Variants in ARHGEF3 observed in about 807,000 individuals in gnomAD.
ARHGEF3 encodes Rho guanine nucleotide exchange factor 3.
ARHGEF3 carries 28 observed loss-of-function variants against 63.2 expected under a neutral mutation model. The ratio of observed to expected loss-of-function variants is 0.44; its 90% CI spans 0.33 to 0.61. The LOEUF (loss-of-function observed/expected upper bound fraction) is 0.61, where lower values mean the gene tolerates loss of function less well. Among genes scored for constraint, ARHGEF3 ranks in the 20% least tolerant of loss-of-function variants. The pLI, the probability that ARHGEF3 is intolerant of heterozygous loss-of-function variation, is 0.03. For missense variants in ARHGEF3, 533 were observed against 659.3 expected (o/e 0.81, Z 2.10); for synonymous variants, 266 against 254.2 (o/e 1.05, Z -0.44).
intron 3 of ARHGEF3, among the ~76,000 whole-genome samples, chr3:56,946,886 G>T (rs970794842): frequency 5.3e-5 from 8 of 152,180 alleles, no homozygotes; most frequent in Admixed American, 1.3e-4. Flanking sequence ...AGAAAGGTCA[G>T]GTTACCCACA....
At chr3:56,756,792 GC>G (rs1559909874) in intron 2 of ARHGEF3, among the ~76,000 whole-genome samples, 1 of 151,916 alleles carries the variant, frequency 6.6e-6, no homozygotes, top group East Asian at 1.9e-4. Context: ...CTCGTGATCC[GC>G]CCGCCTCGGC....
chr3:56,732,430 AG>A lies in ARHGEF3; in HGVS notation c.1042-7del. Reference sequence around the variant, plus strand: ...AACAGGAAAACATGCAGTTTCTAGAAGAAAAAAATCCACAAGCTTTCATTAA... The same window carrying A: ...AACAGGAAAACATGCAGTTTCTAGAAAAAAAAATCCACAAGCTTTCATTAA... On this transcript the variant is annotated splice_polypyrimidine_tract_variant and splice_region_variant and intron_variant, in intron 8 of 9. Coordinates refer to ENST00000296315, the MANE Select transcript of ARHGEF3 (RefSeq NM_019555.3). 1 of 1,614,172 alleles carries A rather than the reference AG, an allele frequency of 6.2e-7. No homozygotes were observed. The highest frequency in any genetic ancestry group is 8.5e-7 in the Non-Finnish European group (1 of 1,180,008).
At position 56,816,821 on chromosome 3, in the gene ARHGEF3, G is replaced by A. The variant is rs527864160; in HGVS notation, c.193-43005C>T. ...TCAAGTTCCAATTCTGAAGCGGAAC[G>A]TTAATTCACAGGCCAGTCACAAACC... On this transcript the variant is annotated intron_variant, in intron 4 of 12. Transcript: ENST00000338458. Among the ~76,000 whole-genome samples, 5 of 152,302 alleles carry A rather than the reference G, an allele frequency of 3.3e-5. No individual in the cohort carries two copies. In the South Asian group the frequency reaches 6.2e-4, roughly 19 times the overall value.
intron 2 of ARHGEF3, among the ~76,000 whole-genome samples, chr3:57,030,409 C>T (rs1195092557): frequency 6.6e-6 from 1 of 152,206 alleles, no homozygotes; most frequent in Admixed American, 6.5e-5. Flanking sequence ...GAAGACTCTG[C>T]AGGGAATGCC....
intron 2 of ARHGEF3, among the ~76,000 whole-genome samples, chr3:56,759,536 G>A (rs1425440144): frequency 6.6e-6 from 1 of 151,490 alleles, no homozygotes; most frequent in Non-Finnish European, 1.5e-5. Flanking sequence ...TTACTTTTTC[G>A]TTGTTGTTTT....
At chr3:57,067,783 C>A (rs1371878535) in intron 1 of ARHGEF3, among the ~76,000 whole-genome samples, 1 of 150,014 alleles carries the variant, frequency 6.7e-6, no homozygotes, top group East Asian at 2.0e-4. Flanking sequence ...AGATCGAGAC[C>A]ATTGGCTAAC....
chr3:56,857,739 T>C (rs999316368), intron 4 of ARHGEF3, among the ~76,000 whole-genome samples: 1 of 152,180 alleles, frequency 6.6e-6, no homozygotes, highest in African/African-American at 2.4e-5. Context: ...AAAGTTTCTT[T>C]GCTCTTTGGT....
intron 4 of ARHGEF3, among the ~76,000 whole-genome samples, chr3:56,827,424 C>T (rs1294899365): frequency 6.6e-6 from 1 of 152,158 alleles, no homozygotes; most frequent in African/African-American, 2.4e-5. Flanking sequence ...TAAATCTCAG[C>T]TCTGCCACTT....
At chr3:57,007,091 T>G in intron 2 of ARHGEF3, 4 of 1,107,240 alleles carry the variant, frequency 3.6e-6, no homozygotes, top group Non-Finnish European at 4.7e-6. Context: ...GTGCTCAGCA[T>G]GTGAAACCCA....
intron 4 of ARHGEF3, among the ~76,000 whole-genome samples, chr3:56,832,346 AG>A: frequency 6.6e-6 from 1 of 152,370 alleles, no homozygotes; most frequent in Admixed American, 6.5e-5. Context: ...ATATGTAAGT[AG>A]GGGGTTTACT....
chr3:57,017,440 C>T (rs1703068702), intron 2 of ARHGEF3, among the ~76,000 whole-genome samples: 1 of 152,204 alleles, frequency 6.6e-6, no homozygotes, highest in African/African-American at 2.4e-5. Flanking sequence ...ACTGGCACTG[C>T]TCCCTGCAGC....
chr3:57,049,726 G>A (rs551229153), intron 1 of ARHGEF3, among the ~76,000 whole-genome samples: 87 of 152,208 alleles, frequency 5.7e-4, no homozygotes, highest in Admixed American at 1.1e-3. Context: ...AACTATGATG[G>A]CTGGGAAGGC....
chr3:57,048,445 T>A (rs1188656579), intron 1 of ARHGEF3, among the ~76,000 whole-genome samples: 1 of 152,126 alleles, frequency 6.6e-6, no homozygotes, highest in Non-Finnish European at 1.5e-5. Context: ...AGACTACAAC[T>A]TCTACAAAAG....
At chr3:56,772,793 ACTGTC>A (rs1398702902) in intron 2 of ARHGEF3, among the ~76,000 whole-genome samples, 2 of 152,224 alleles carry the variant, frequency 1.3e-5, no homozygotes, top group African/African-American at 4.8e-5. Flanking sequence ...CTTTAAATGC[ACTGTC>A]TTGTAAATCT....
At chr3:56,886,320 C>T (rs941059303) in intron 3 of ARHGEF3, among the ~76,000 whole-genome samples, 3 of 152,166 alleles carry the variant, frequency 2.0e-5, no homozygotes, top group Non-Finnish European at 4.4e-5. Flanking sequence ...TTTTGTTGAT[C>T]CTCTTGGTCC....
chr3:57,035,231 AAAC>A (rs1703903916), intron 1 of ARHGEF3: 2 of 1,017,430 alleles, frequency 2.0e-6, no homozygotes, highest in Non-Finnish European at 2.8e-6. Flanking sequence ...TTTATGTTAT[AAAC>A]ACACAAAGAG....
intron 4 of ARHGEF3, among the ~76,000 whole-genome samples, chr3:56,812,737 T>C (rs2038113725): frequency 6.6e-6 from 1 of 152,206 alleles, no homozygotes; most frequent in Non-Finnish European, 1.5e-5. Context: ...TTATCTGAAG[T>C]TCAAGGCTGA....
chr3:56,909,112 GAA>G (rs1560041380), intron 3 of ARHGEF3, among the ~76,000 whole-genome samples: 1 of 152,220 alleles, frequency 6.6e-6, no homozygotes, highest in Non-Finnish European at 1.5e-5. Flanking sequence ...TTAAGAGAGA[GAA>G]AGAAGGAGAA....
chr3:56,911,804 C>T (rs891287181), intron 3 of ARHGEF3, among the ~76,000 whole-genome samples: 1 of 151,982 alleles, frequency 6.6e-6, no homozygotes, highest in Non-Finnish European at 1.5e-5. Flanking sequence ...TAAGCCCTTA[C>T]ACACTAAGGT....
Sources: gnomAD v4.1 joint callset for allele counts (sites outside exome capture counted in the v4.1 genomes callset) on GRCh38, gnomAD v4.1.1 for gene constraint, MANE v1.5 for transcripts, NCBI Gene and HGNC (gene_info 2026-07-23, HGNC 2026-07-21) for gene names.